The following C3 variants were observed in gnomAD, a reference collection of about 807,000 sequenced individuals.
C3 encodes the protein C3 and PZP-like alpha-2-macroglobulin domain-containing protein 1.
C3 carries 97 observed loss-of-function variants against 207.9 expected under a neutral mutation model. That is an observed-to-expected ratio of 0.47 (90% CI 0.40 to 0.55). The LOEUF (loss-of-function observed/expected upper bound fraction) is 0.55, where lower values mean the gene tolerates loss of function less well. Among genes scored for constraint, C3 ranks in the 20% least tolerant of loss-of-function variants. C3 has a pLI of 0.00. For synonymous variants in C3, 848 were observed against 857.6 expected (o/e 0.99, Z 0.20); for missense variants, 1,684 against 2,171.7 (o/e 0.78, Z 4.46).
Position 6,718,017 on chromosome 19 carries a change from TTC to T in C3, c.504+75_504+76del, listed in dbSNP as rs1968078357. On this transcript the variant is annotated intron_variant, in intron 4 of 40. Transcript: ENST00000245907. Reference sequence around the variant, plus strand: ...CCACTGCACCCCTTCCGGTGTGTCTTTCTCTGTCTCTCTCGATCTCTTTGCCT... The same window carrying T: ...CCACTGCACCCCTTCCGGTGTGTCTTTCTGTCTCTCTCGATCTCTTTGCCT... 3.6e-5 allele frequency: 52 copies of T among 1,427,542 alleles called. No homozygotes were observed. The South Asian group carries it at 5.0e-4, about 14-fold the overall frequency. The allele number at this position is 1,427,542 out of a possible 1,614,324, so 88.4% of individuals were successfully genotyped here.
intron 36 of C3, 69 bp from the exon 37 acceptor site, chr19:6,679,565 C>T: frequency 9.6e-7 from 1 of 1,040,058 alleles, no homozygotes; most frequent in African/African-American, 1.6e-5. Context: ...CTGGGAGGCC[C>T]AGATCCCCAG....
intron 4 of C3, among the ~76,000 whole-genome samples, chr19:6,714,715 AG>A (rs1967996266): frequency 2.0e-5 from 3 of 152,194 alleles, no homozygotes; most frequent in Admixed American, 2.0e-4. Context: ...TACAAAAATT[AG>A]CCAGGCATGG....
At chr19:6,688,828 T>C (rs984164671) in intron 27 of C3, among the ~76,000 whole-genome samples, 10 of 152,024 alleles carry the variant, frequency 6.6e-5, no homozygotes, top group African/African-American at 2.2e-4. Context: ...GTGGCCACAG[T>C]GGAAACAGCC....
intron 40 of C3, 42 bp downstream of exon 40, chr19:6,678,110 G>A: frequency 1.2e-6 from 2 of 1,614,080 alleles, no homozygotes; most frequent in South Asian, 1.1e-5. Flanking sequence ...GCATGGGCGG[G>A]GCAGTCGGGC....
chr19:6,687,506 A>G (rs344542), intron 27 of C3, among the ~76,000 whole-genome samples: 68,822 of 152,038 alleles, frequency 0.45, 16,809 homozygotes, highest in East Asian at 0.91. Flanking sequence ...CACCTAGGAA[A>G]TAAGTGGCAG....
chr19:6,712,486 C>T lies in C3; in HGVS notation c.1119+22G>A, dbSNP rs773032255. ...GTGTCCCCGAAGGGAGGAGTGGGAC[C>T]CCTTCCCGCCCCGGGTCTCACCATG... On this transcript the variant is annotated intron_variant, in intron 10 of 40. Transcript: ENST00000245907. The T allele has an allele frequency of 3.0e-5, 49 of 1,613,730 alleles. No homozygotes were observed. The South Asian group carries it at 5.2e-4, about 17-fold the overall frequency.
At chr19:6,686,580 C>CAGCTCAGGGTTATGCATCCCAGCTT in intron 28 of C3, 166 bp downstream of exon 28, 1 of 832,658 alleles carries the variant, frequency 1.2e-6, no homozygotes, top group Non-Finnish European at 2.0e-6. Flanking sequence ...CATCCCAGCT[C>CAGCTCAGGGTTATGCATCCCAGCTT]AGCTCAGGGT....
chr19:6,686,015 C>A, intron 29 of C3, 109 bp downstream of exon 29: 1 of 1,089,478 alleles, frequency 9.2e-7, no homozygotes, highest in South Asian at 1.2e-5. Context: ...CACACTGGCT[C>A]GTGGGAATGA....
At chr19:6,683,323 A>AG (rs1917911890) in intron 33 of C3, 1 of 151,934 alleles carries the variant, frequency 6.6e-6, no homozygotes, top group African/African-American at 2.4e-5. Context: ...TGTCATACAA[A>AG]GGAAAAAAAA....
At position 6,694,089 on chromosome 19, in the gene C3, G is replaced by A. The variant is rs1224133662; in HGVS notation, c.3154+342C>T. On this transcript the variant is annotated intron_variant, in intron 24 of 40. Coordinates refer to ENST00000245907, the MANE Select transcript of C3 (RefSeq NM_000064.4). ...TTGAGAAGAGGTGGGGGGCCCTCAGGGGATGGGCATGGCCTTGAGGAGAGG... is the reference window on the plus strand; with the variant it reads ...TTGAGAAGAGGTGGGGGGCCCTCAGAGGATGGGCATGGCCTTGAGGAGAGG... Among the ~76,000 whole-genome samples, 45 of 79,986 alleles carry A rather than the reference G, an allele frequency of 5.6e-4. 1 individual carries two copies. The highest frequency in any genetic ancestry group is 5.2e-3 in the South Asian group (13 of 2,516). The allele number at this position is 79,986 out of a possible 152,430, so 52.5% of individuals were successfully genotyped here.
intron 23 of C3, among the ~76,000 whole-genome samples, chr19:6,695,234 C>T (rs954740394): frequency 4.7e-5 from 7 of 150,004 alleles, no homozygotes; most frequent in African/African-American, 1.7e-4. Context: ...CACGCCACTG[C>T]ACTCTAGCCT....
chr19:6,683,596 A>G (rs1599499156), intron 33 of C3, among the ~76,000 whole-genome samples: 2 of 151,636 alleles, frequency 1.3e-5, no homozygotes, highest in African/African-American at 2.4e-5. Context: ...GACTACAGGC[A>G]CCCGCCACCA....
rs567236501 is a variant in C3 at position 6,707,331 on chromosome 19, G to A, written c.2048-58C>T. 4.4e-6 allele frequency: 7 copies of A among 1,599,718 alleles called. No homozygotes were observed. In the East Asian group the frequency reaches 1.4e-4, roughly 31 times the overall value. On this transcript the variant is annotated intron_variant, in intron 16 of 40. Coordinates refer to ENST00000245907, the MANE Select transcript of C3 (RefSeq NM_000064.4). ...CTCAGCCGGGGGCCGGCAGCAGGAG[G>A]GACGCGGGACGGACCCCAGGGAGGA... is the stretch of plus-strand genomic sequence containing the variant.
chr19:6,712,232 G>A, intron 11 of C3, 25 bp downstream of exon 11: 1 of 1,612,808 alleles, frequency 6.2e-7, no homozygotes, highest in Non-Finnish European at 8.5e-7. Context: ...CAGTGATGGG[G>A]TTCCGAGGCT....
intron 19 of C3, among the ~76,000 whole-genome samples, chr19:6,701,623 C>A (rs571508707): frequency 1.3e-5 from 2 of 152,222 alleles, no homozygotes; most frequent in South Asian, 4.2e-4. Flanking sequence ...CGGGTTCAAC[C>A]AAATCTCCTG....
At chr19:6,689,730 C>T (rs1918123228) in intron 27 of C3, among the ~76,000 whole-genome samples, 2 of 152,092 alleles carry the variant, frequency 1.3e-5, no homozygotes, top group Non-Finnish European at 2.9e-5. Context: ...GCCTGTAATC[C>T]CAGCACTTTG....
chr19:6,701,502 G>A (rs445750), intron 19 of C3, among the ~76,000 whole-genome samples: 100,273 of 152,042 alleles, frequency 0.66, 33,420 homozygotes, highest in East Asian at 0.84. Context: ...TGTCTGTGTC[G>A]TCTTTCAGAG....
intron 17 of C3, among the ~76,000 whole-genome samples, chr19:6,705,778 G>A (rs1379400589): frequency 2.6e-5 from 4 of 152,028 alleles, no homozygotes; most frequent in African/African-American, 4.8e-5. Context: ...AGGTTCAAGC[G>A]ATTCTCCCAC....
rs1967785832 is a variant in C3, at chr19:6,706,818, C to G, written c.2245+258G>C. Among the ~76,000 whole-genome samples, 3 of 149,352 alleles carry G rather than the reference C, an allele frequency of 2.0e-5. No homozygotes were observed. The South Asian group carries it at 6.5e-4, about 32-fold the overall frequency. ...CTCCCTCCTCAGACGGGGACCTCCT[C>G]CCCCCTCAAGGCCTCCTCCCTCCTC... On this transcript the variant is annotated intron_variant, in intron 17 of 40. Coordinates refer to ENST00000245907, the MANE Select transcript of C3 (RefSeq NM_000064.4).
Sources: allele counts gnomAD v4.1 joint callset (sites outside exome capture counted in the v4.1 genomes callset), GRCh38; gene constraint gnomAD v4.1.1; transcripts MANE v1.5; gene names NCBI Gene and HGNC (gene_info 2026-07-23, HGNC 2026-07-21).